Variants in ATF7IP observed in about 807,000 individuals in gnomAD.
ATF7IP encodes the protein activating transcription factor 7 interacting protein.
A neutral mutation model predicts 106.4 loss-of-function variants in ATF7IP; 23 were observed. The observed-to-expected ratio is 0.22, with a 90% CI of 0.16 to 0.31. The LOEUF is 0.31. Among genes scored for constraint, ATF7IP ranks in the 10% least tolerant of loss-of-function variants. The pLI, the probability that ATF7IP is intolerant of heterozygous loss-of-function variation, is 1.00. For synonymous variants in ATF7IP, 542 were observed against 539.0 expected, an observed-to-expected ratio of 1.01 and a Z score of -0.08; for missense variants, 1,334 against 1,524.3, an observed-to-expected ratio of 0.88 and a Z score of 2.08.
In ATF7IP at chr12:14,494,333, ATG is replaced by A. The variant is rs1210425478; in HGVS notation, c.3281-1888_3281-1887del. Among the ~76,000 whole-genome samples, 181 of 85,986 alleles carry A rather than the reference ATG, an allele frequency of 2.1e-3. 1 individual carries two copies. Among genetic ancestry groups the A allele is most frequent in the East Asian group, 5.7e-3 (14 of 2,472 alleles). 56.4% of individuals were successfully genotyped at this position (85,986 alleles called of 152,430 possible). ...TATATATATATATATATATATATAT[ATG>A]TGTGTGTGTATATGTATATATACAC... is the stretch of plus-strand genomic sequence containing the variant. On this transcript the variant is annotated intron_variant, in intron 13 of 14. Coordinates refer to ENST00000261168, the MANE Select transcript of ATF7IP (RefSeq NM_018179.5).
chr12:14,373,026 G>C (rs190143912), intron 1 of ATF7IP, among the ~76,000 whole-genome samples: 2 of 152,288 alleles, frequency 1.3e-5, no homozygotes, highest in Admixed American at 1.3e-4. Context: ...GGAATCTGCT[G>C]TTTTGAGGAC....
At chr12:14,466,209 A>G (rs911030767) in intron 9 of ATF7IP, 2 of 204,304 alleles carry the variant, frequency 9.8e-6, no homozygotes, top group South Asian at 1.4e-4. Context: ...GAGGAATTAT[A>G]TTTTGTTTAA....
At chr12:14,474,696 G>T (rs1232603222) in intron 10 of ATF7IP, among the ~76,000 whole-genome samples, 1 of 152,150 alleles carries the variant, frequency 6.6e-6, no homozygotes, top group East Asian at 1.9e-4. Flanking sequence ...ACTGCTCCTG[G>T]CTTTAAACAT....
chr12:14,430,912 A>G (rs181916081), intron 2 of ATF7IP, among the ~76,000 whole-genome samples: 1 of 152,204 alleles, frequency 6.6e-6, no homozygotes, highest in African/African-American at 2.4e-5. Context: ...AGGTTGTGTC[A>G]GACAGAGGTC....
In ATF7IP at chr12:14,427,515, G is replaced by A. The variant is rs143257963; in HGVS notation, c.1558+2042G>A. 7.5e-3 allele frequency among the ~76,000 whole-genome samples: 1,138 copies of A among 152,154 alleles called. 14 individuals carry two copies. Among genetic ancestry groups the A allele is most frequent in the African/African-American group, 0.026 (1,071 of 41,510 alleles). ...TGCGTAGCTGGGATTATAGGTGCGCGACACCACGCCTGGCTAATTTTTGTA... is the reference window on the plus strand; with the variant it reads ...TGCGTAGCTGGGATTATAGGTGCGCAACACCACGCCTGGCTAATTTTTGTA... On this transcript the variant is annotated intron_variant, in intron 2 of 14. Coordinates refer to ENST00000261168, the MANE Select transcript of ATF7IP (RefSeq NM_018179.5).
At chr12:14,474,562 G>A (rs553709090) in intron 10 of ATF7IP, among the ~76,000 whole-genome samples, 28 of 151,718 alleles carry the variant, frequency 1.8e-4, no homozygotes, top group African/African-American at 6.5e-4. Flanking sequence ...CACCATGCCT[G>A]GCTAATTTTT....
chr12:14,390,630 A>T (rs1565476568), intron 1 of ATF7IP, among the ~76,000 whole-genome samples: 1 of 152,250 alleles, frequency 6.6e-6, no homozygotes, highest in Non-Finnish European at 1.5e-5. Context: ...TGCTCAAATT[A>T]GTTGAGCTAA....
At chr12:14,426,844 AAAAAAAG>A (rs1246264054) in intron 2 of ATF7IP, among the ~76,000 whole-genome samples, 5 of 146,592 alleles carry the variant, frequency 3.4e-5, no homozygotes, top group Admixed American at 1.4e-4. Context: ...AAAAAAAAAA[AAAAAAAG>A]GATGGCTTTT....
chr12:14,469,467 T>C (rs1221608049), intron 10 of ATF7IP, among the ~76,000 whole-genome samples: 1 of 151,942 alleles, frequency 6.6e-6, no homozygotes, highest in African/African-American at 2.4e-5. Flanking sequence ...TCTGTAGTTG[T>C]TAAATGAAGA....
chr12:14,455,823 G>T (rs1943403647), intron 6 of ATF7IP, among the ~76,000 whole-genome samples: 1 of 152,068 alleles, frequency 6.6e-6, no homozygotes. Flanking sequence ...CTGAGCTCAA[G>T]CAATCCTTGC....
chr12:14,395,176 A>C (rs1226746062), intron 1 of ATF7IP: 1 of 152,084 alleles, frequency 6.6e-6, no homozygotes, highest in Non-Finnish European at 1.5e-5. Context: ...ATTAGCTTTT[A>C]ATGTTTATAC....
Position 14,424,363 on chromosome 12 carries a change from GCCTCTGGTGATTCCA to G in ATF7IP, c.460_474del (p.Ser154_Asp158del), listed in dbSNP as rs772954608. The G allele has an allele frequency of 3.7e-6, 6 of 1,613,980 alleles. No individual in the cohort carries two copies. Among genetic ancestry groups the G allele is most frequent in the Admixed American group, 1.7e-5 (1 of 60,004 alleles). ...CGGAGATCCAGCCTCCGGAGTACTG[GCCTCTGGTGATTCCA>G]CCTCTGGTGATCCCACCTCTAGCGA... On this transcript the variant is annotated inframe_deletion, in exon 2 of 15. Coordinates refer to ENST00000261168, the MANE Select transcript of ATF7IP (RefSeq NM_018179.5).
At chr12:14,367,317 A>AT (rs1028866462) in intron 1 of ATF7IP, 2 of 152,098 alleles carry the variant, frequency 1.3e-5, no homozygotes, top group Non-Finnish European at 1.5e-5. Context: ...TGGTTGGTGG[A>AT]TTTTTAAATG....
At chr12:14,494,264 T>C (rs1944922473) in intron 13 of ATF7IP, among the ~76,000 whole-genome samples, 1 of 129,326 alleles carries the variant, frequency 7.7e-6, no homozygotes, top group Admixed American at 8.3e-5. Context: ...TAGGGTTCTC[T>C]AGGGGGACAG....
chr12:14,401,487 G>A (rs571375795), intron 1 of ATF7IP, among the ~76,000 whole-genome samples: 1 of 152,202 alleles, frequency 6.6e-6, no homozygotes, highest in African/African-American at 2.4e-5. Context: ...GTGAGCCATC[G>A]TGCCTGGCCT....
intron 5 of ATF7IP, among the ~76,000 whole-genome samples, chr12:14,440,038 A>G (rs1166882856): frequency 6.6e-6 from 1 of 152,210 alleles, no homozygotes; most frequent in African/African-American, 2.4e-5. Context: ...TGTTCCTGTT[A>G]CTGACAATTT....
rs1372137001 is a variant in ATF7IP, at chr12:14,455,201, A to T, written c.1996-1360A>T. On this transcript the variant is annotated intron_variant, in intron 6 of 14. Coordinates refer to ENST00000261168, the MANE Select transcript of ATF7IP (RefSeq NM_018179.5). ...CTATCTCAAAAAAAAAAAAAAAAAA[A>T]TTACTCAACAATGTGCTTAAAGATG... Among the ~76,000 whole-genome samples, 4 of 150,936 alleles carry T rather than the reference A, an allele frequency of 2.7e-5. No individual in the cohort carries two copies. In the South Asian group the frequency reaches 6.2e-4, roughly 24 times the overall value.
At chr12:14,396,762 G>C (rs1045891332) in intron 1 of ATF7IP, among the ~76,000 whole-genome samples, 1 of 152,120 alleles carries the variant, frequency 6.6e-6, no homozygotes, top group Non-Finnish European at 1.5e-5. Flanking sequence ...ACAAAAACAG[G>C]AATTTATTGA....
At chr12:14,452,651 G>A (rs1943250780) in intron 6 of ATF7IP, among the ~76,000 whole-genome samples, 2 of 151,884 alleles carry the variant, frequency 1.3e-5, no homozygotes, top group African/African-American at 2.4e-5. Context: ...TACTGTTGTC[G>A]TATATCACAT....
Sources: allele counts gnomAD v4.1 joint callset (sites outside exome capture counted in the v4.1 genomes callset), GRCh38; gene constraint gnomAD v4.1.1; transcripts MANE v1.5; gene names NCBI Gene and HGNC (gene_info 2026-07-23, HGNC 2026-07-21).